FMN2: variants seen among roughly 807,000 people sequenced by gnomAD.
The protein encoded by FMN2 is formin 2.
A neutral mutation model predicts 142.3 loss-of-function variants in FMN2; 51 were observed. That is an observed-to-expected ratio of 0.36 (90% CI 0.29 to 0.45). The LOEUF is 0.45. FMN2 is among the 20% of genes least tolerant of loss of function. The pLI, the probability that FMN2 is intolerant of heterozygous loss-of-function variation, is 1.00. For missense variants in FMN2, 1,936 were observed against 2,122.8 expected (o/e 0.91, Z 1.73); for synonymous variants, 882 against 869.8 (o/e 1.01, Z -0.25).
chr1:240,116,756 T>TA (rs111321263), intron 1 of FMN2, among the ~76,000 whole-genome samples: 5,399 of 145,878 alleles, frequency 0.037, 328 homozygotes, highest in African/African-American at 0.13. Flanking sequence ...ACCTTATCTT[T>TA]AAAAAAAAAA....
At chr1:240,168,685 G>GA (rs545530201) in intron 2 of FMN2, among the ~76,000 whole-genome samples, 1 of 151,660 alleles carries the variant, frequency 6.6e-6, no homozygotes, top group Non-Finnish European at 1.5e-5. Context: ...CAATGATTAG[G>GA]AAAAAAAGAT....
At chr1:240,322,471 G>T (rs115907451) in intron 8 of FMN2, among the ~76,000 whole-genome samples, 179 of 152,270 alleles carry the variant, frequency 1.2e-3, no homozygotes, top group Non-Finnish European at 2.2e-3. Context: ...CTCAGGCTTT[G>T]CTACGACAGA....
chr1:240,418,907 G>A (rs1417562437), intron 15 of FMN2, among the ~76,000 whole-genome samples: 1 of 152,124 alleles, frequency 6.6e-6, no homozygotes, highest in African/African-American at 2.4e-5. Flanking sequence ...AGGAGTTCGA[G>A]ACCAGCCTGG....
chr1:240,228,236 G>A (rs1313210353), intron 6 of FMN2, among the ~76,000 whole-genome samples: 3 of 142,182 alleles, frequency 2.1e-5, no homozygotes, highest in Admixed American at 7.5e-5. Flanking sequence ...CCAGGAGGCA[G>A]AGGTTGTGGT....
intron 16 of FMN2, among the ~76,000 whole-genome samples, chr1:240,468,398 AC>A (rs1558124011): frequency 6.6e-6 from 1 of 152,038 alleles, no homozygotes; most frequent in South Asian, 2.1e-4. Context: ...GCATCCATAG[AC>A]CCCCACCAGG....
intron 2 of FMN2, among the ~76,000 whole-genome samples, chr1:240,172,454 G>A (rs985826579): frequency 3.3e-5 from 5 of 152,090 alleles, no homozygotes; most frequent in Non-Finnish European, 7.4e-5. Context: ...TGTGACTATT[G>A]TAATCAAACA....
At chr1:240,217,105 G>T (rs959949325) in intron 6 of FMN2, among the ~76,000 whole-genome samples, 7 of 152,210 alleles carry the variant, frequency 4.6e-5, no homozygotes, top group Admixed American at 1.3e-4. Context: ...CTATGTTGAG[G>T]AATCTGGGAG....
chr1:240,245,378 T>G (rs1216995852), intron 6 of FMN2: 2 of 399,466 alleles, frequency 5.0e-6, no homozygotes, highest in African/African-American at 4.2e-5. Flanking sequence ...GATGAGAACT[T>G]GCAGCAGGGT....
chr1:240,415,807 T>A (rs1305888292), intron 15 of FMN2, among the ~76,000 whole-genome samples: 1 of 152,206 alleles, frequency 6.6e-6, no homozygotes, highest in Non-Finnish European at 1.5e-5. Flanking sequence ...ATAGCTGCTA[T>A]AAGAGCTGCA....
intron 7 of FMN2, among the ~76,000 whole-genome samples, chr1:240,269,110 G>A (rs943989159): frequency 3.3e-5 from 5 of 151,914 alleles, no homozygotes; most frequent in South Asian, 4.2e-4. Context: ...GGTCATATCC[G>A]AGAAATAATT....
chr1:240,154,368 G>A (rs1663924840), intron 2 of FMN2, among the ~76,000 whole-genome samples: 1 of 152,128 alleles, frequency 6.6e-6, no homozygotes, highest in Non-Finnish European at 1.5e-5. Flanking sequence ...ATTTGAAGTG[G>A]CACATGAAGG....
rs1343313161 is a variant in FMN2, at chr1:240,355,832, A to G, written c.4782A>G (p.Ala1594=). ...TAATTTCAGCCTGTGAAGTTGAAGCAGGGAAAGTATACCAGGTCTCCTCAA... is the reference window on the plus strand; with the variant it reads ...TAATTTCAGCCTGTGAAGTTGAAGCGGGGAAAGTATACCAGGTCTCCTCAA... ...KKDLKACEVE[A]GKVYQVSSKE... The change falls in exon 14 of 18, where the codon GCA becomes GCG. Residue 1594 remains alanine (A), a synonymous_variant. Coordinates refer to ENST00000319653, the MANE Select transcript of FMN2 (RefSeq NM_020066.5). The G allele has an allele frequency of 1.2e-6, 2 of 1,611,784 alleles. No homozygotes were observed. The highest frequency in any genetic ancestry group is 1.7e-6 in the Non-Finnish European group (2 of 1,178,526).
intron 7 of FMN2, among the ~76,000 whole-genome samples, chr1:240,269,681 G>T (rs2102917597): frequency 6.6e-6 from 1 of 151,974 alleles, no homozygotes; most frequent in African/African-American, 2.4e-5. Context: ...CATAAACACA[G>T]CATATCTTTC....
chr1:240,145,693 A>G (rs922741389), intron 2 of FMN2, among the ~76,000 whole-genome samples: 23 of 151,690 alleles, frequency 1.5e-4, no homozygotes, highest in African/African-American at 5.6e-4. Context: ...TATTTTTTGT[A>G]GAGACAGGTT....
At chr1:240,119,302 C>G (rs1393930022) in intron 1 of FMN2, among the ~76,000 whole-genome samples, 2 of 147,794 alleles carry the variant, frequency 1.4e-5, no homozygotes, top group African/African-American at 5.0e-5. Context: ...GCACTCCAGC[C>G]TAGGCGACAG....
intron 6 of FMN2, among the ~76,000 whole-genome samples, chr1:240,221,486 T>C (rs1353375339): frequency 6.6e-6 from 1 of 152,252 alleles, no homozygotes; most frequent in Non-Finnish European, 1.5e-5. Flanking sequence ...GAGCTTTTTT[T>C]CATATGTTTA....
intron 8 of FMN2, among the ~76,000 whole-genome samples, chr1:240,325,390 A>G (rs922204804): frequency 6.6e-6 from 1 of 151,520 alleles, no homozygotes; most frequent in African/African-American, 2.4e-5. Flanking sequence ...TCATTTGGCC[A>G]TATTCCTCCA....
intron 15 of FMN2, among the ~76,000 whole-genome samples, chr1:240,406,846 T>C (rs1217607716): frequency 6.6e-6 from 1 of 152,146 alleles, no homozygotes; most frequent in Non-Finnish European, 1.5e-5. Flanking sequence ...CATTAACTTT[T>C]TGGGGAGATG....
chr1:240,432,795 A>G (rs1462464962), intron 15 of FMN2, among the ~76,000 whole-genome samples: 2 of 152,018 alleles, frequency 1.3e-5, no homozygotes, highest in African/African-American at 4.8e-5. Context: ...TGTTACCTAG[A>G]TATTATTTTT....
Sources: allele counts gnomAD v4.1 joint callset (sites outside exome capture counted in the v4.1 genomes callset), GRCh38; gene constraint gnomAD v4.1.1; transcripts MANE v1.5; gene names NCBI Gene and HGNC (gene_info 2026-07-23, HGNC 2026-07-21).